Variants in KANK1 observed in about 807,000 individuals in gnomAD.
KANK1 encodes the protein KN motif and ankyrin repeat domains 1, also known as KN motif and ankyrin repeat domain-containing protein 1.
A neutral mutation model predicts 106.2 loss-of-function variants in KANK1; 109 were observed. The ratio of observed to expected loss-of-function variants is 1.03; its 90% CI spans 0.88 to 1.20. The LOEUF (loss-of-function observed/expected upper bound fraction) is 1.20, where lower values mean the gene tolerates loss of function less well. KANK1 is among the 50% of genes most tolerant of loss of function. The pLI, the probability that KANK1 is intolerant of heterozygous loss-of-function variation, is 0.00. For synonymous variants in KANK1, 873 were observed against 652.2 expected (o/e 1.34, Z -5.16); for missense variants, 2,399 against 1,710.7 (o/e 1.40, Z -7.10).
intron 2 of KANK1, among the ~76,000 whole-genome samples, chr9:710,068 G>C (rs959699905): frequency 1.3e-5 from 2 of 152,200 alleles, no homozygotes; most frequent in African/African-American, 4.8e-5. Context: ...TGGGGAAAGA[G>C]GGGAGTGAGG....
chr9:510,691 C>G (rs552926800), intron 1 of KANK1, among the ~76,000 whole-genome samples: 10 of 151,946 alleles, frequency 6.6e-5, no homozygotes, highest in Non-Finnish European at 1.3e-4. Flanking sequence ...TGGAAGATAC[C>G]GAAAATAAAT....
chr9:585,409 A>G (rs7033716), intron 1 of KANK1, among the ~76,000 whole-genome samples: 47,710 of 152,066 alleles, frequency 0.31, 7,650 homozygotes, highest in Admixed American at 0.38. Context: ...TTGTCTACCA[A>G]TGGTCTACCC....
intron 3 of KANK1, among the ~76,000 whole-genome samples, chr9:488,728 C>G (rs1465904013): frequency 2.0e-5 from 3 of 152,156 alleles, no homozygotes; most frequent in African/African-American, 7.2e-5. Flanking sequence ...GATTTGGGGT[C>G]AGGATTCACT....
intron 2 of KANK1, among the ~76,000 whole-genome samples, chr9:695,004 A>G (rs1024044483): frequency 6.6e-6 from 1 of 152,216 alleles, no homozygotes. Context: ...AACTTTGGAA[A>G]TCAGAGTTCC....
intron 1 of KANK1, among the ~76,000 whole-genome samples, chr9:511,963 C>T (rs1254910725): frequency 6.6e-6 from 1 of 152,110 alleles, no homozygotes; most frequent in Non-Finnish European, 1.5e-5. Context: ...TGAGGTCATT[C>T]CCTGGTACCC....
chr9:719,989 C>G (rs990037070), intron 3 of KANK1, among the ~76,000 whole-genome samples: 4 of 152,154 alleles, frequency 2.6e-5, no homozygotes, highest in Non-Finnish European at 4.4e-5. Context: ...TTATAGTCAT[C>G]TCATTTGCCT....
chr9:571,361 G>C (rs7038982), intron 1 of KANK1, among the ~76,000 whole-genome samples: 8,862 of 152,248 alleles, frequency 0.058, 850 homozygotes, highest in African/African-American at 0.2. Context: ...TTGGCAACAC[G>C]TGTTAATGGA....
chr9:599,009 T>G (rs1827029779), intron 1 of KANK1, among the ~76,000 whole-genome samples: 1 of 142,492 alleles, frequency 7.0e-6, no homozygotes, highest in African/African-American at 2.6e-5. Context: ...TGATTTGTAT[T>G]TATTATTATT....
chr9:716,741 T>C (rs556044027), intron 3 of KANK1, among the ~76,000 whole-genome samples: 1 of 152,302 alleles, frequency 6.6e-6, no homozygotes, highest in East Asian at 1.9e-4. Flanking sequence ...TTCTTAAAAT[T>C]ACAACTAGAG....
At chr9:676,814 G>A in intron 1 of KANK1, 76 bp from the exon 2 acceptor site, 1 of 605,158 alleles carries the variant, frequency 1.7e-6, no homozygotes, top group South Asian at 2.0e-5. Context: ...AGTCATCTTT[G>A]TAAACAGAAG....
upstream of KANK1, among the ~76,000 whole-genome samples, chr9:501,891 G>GT (rs1385029321): frequency 1.3e-5 from 2 of 152,136 alleles, no homozygotes; most frequent in Non-Finnish European, 2.9e-5. Flanking sequence ...ATGCTGACAT[G>GT]TTTGACAATC....
rs576803589 is a variant in KANK1, at chr9:632,990, A to G, written c.-83-43900A>G. Among the ~76,000 whole-genome samples the G allele has an allele frequency of 4.6e-5, 7 of 151,762 alleles. No individual in the cohort carries two copies. The East Asian group carries it at 1.2e-3, about 26-fold the overall frequency. The stretch of plus-strand genomic sequence containing the variant: ...ATTACAGGCGTGAGCCACTGCTCCC[A>G]GCCTGAGAGTGAGTGTTTTAGCAAA... On this transcript the variant is annotated intron_variant, in intron 1 of 11. Coordinates refer to ENST00000382297, the MANE Select transcript of KANK1 (RefSeq NM_015158.5).
In KANK1 at chr9:664,061, T is replaced by C. The variant is rs942541519; in HGVS notation, c.-83-12829T>C. On this transcript the variant is annotated intron_variant, in intron 1 of 11. Transcript: ENST00000382297. ...GACTCGATGGGAGGTAATTGAATCA[T>C]GGGGGCAGTTACCCTGATTCTGTTC... 1.1e-4 allele frequency among the ~76,000 whole-genome samples: 16 copies of C among 152,282 alleles called. 1 individual carries two copies. The East Asian group carries it at 2.9e-3, about 28-fold the overall frequency.
chr9:666,683 C>G (rs1344277939), intron 1 of KANK1, among the ~76,000 whole-genome samples: 2 of 152,082 alleles, frequency 1.3e-5, no homozygotes, highest in African/African-American at 4.8e-5. Flanking sequence ...TACTTTTCAG[C>G]ACTTATTGAA....
chr9:535,879 A>G (rs1239431330), intron 1 of KANK1, among the ~76,000 whole-genome samples: 1 of 152,110 alleles, frequency 6.6e-6, no homozygotes, highest in African/African-American at 2.4e-5. Flanking sequence ...GGCAACGTAA[A>G]CCTTTCCTAC....
chr9:512,151 G>A (rs561569458), intron 1 of KANK1, among the ~76,000 whole-genome samples: 1 of 152,122 alleles, frequency 6.6e-6, no homozygotes, highest in East Asian at 1.9e-4. Flanking sequence ...TCAGCATGGT[G>A]GCTCCAGGTA....
chr9:598,052 G>C (rs1826662683), intron 1 of KANK1, among the ~76,000 whole-genome samples: 1 of 151,676 alleles, frequency 6.6e-6, no homozygotes, highest in Non-Finnish European at 1.5e-5. Context: ...ATATGGTATG[G>C]GGTAGGGGCC....
rs969172791 is a variant in KANK1, at chr9:585,618, CT to C, written c.-84+80867del. On this transcript the variant is annotated intron_variant, in intron 1 of 11. Transcript: ENST00000382297. ...CTTAACTTAGAATAATCCAAATAGT[CT>C]TTGTCAGCTGGACAGCTAATCTTGG... 5.3e-5 allele frequency among the ~76,000 whole-genome samples: 8 copies of C among 152,272 alleles called. No homozygotes were observed. The South Asian group carries it at 1.0e-3, about 20-fold the overall frequency.
At chr9:539,734 G>T (rs369598965) in intron 1 of KANK1, 9,039 of 147,550 alleles carry the variant, frequency 0.061, 326 homozygotes, top group African/African-American at 0.1. Context: ...CAGTCCTTCT[G>T]CCTTGGCTTC....
Sources: allele counts gnomAD v4.1 joint callset (sites outside exome capture counted in the v4.1 genomes callset), GRCh38; gene constraint gnomAD v4.1.1; transcripts MANE v1.5; gene names NCBI Gene and HGNC (gene_info 2026-07-23, HGNC 2026-07-21).